The following NCOR1 variants were observed in gnomAD, a reference collection of about 807,000 sequenced individuals.
NCOR1 encodes protein phosphatase 1, regulatory subunit 109.
In NCOR1, 63 loss-of-function variants were observed where a neutral mutation model predicts 288.1. That is an observed-to-expected ratio of 0.22 (90% CI 0.18 to 0.27). The LOEUF is 0.27. NCOR1 is among the 10% of genes least tolerant of loss of function. The pLI is 1.00. For missense variants in NCOR1, 2,397 were observed against 3,019.2 expected (o/e 0.79, Z 4.83); for synonymous variants, 1,007 against 1,065.9 (o/e 0.94, Z 1.08).
chr17:16,192,552 AG>A (rs2088680215), intron 2 of NCOR1, among the ~76,000 whole-genome samples: 1 of 152,200 alleles, frequency 6.6e-6, no homozygotes, highest in Admixed American at 6.5e-5. Context: ...GCTACTCGGG[AG>A]GCTGAGACAG....
chr17:16,120,439 T>C (rs1482857803), intron 16 of NCOR1, among the ~76,000 whole-genome samples: 2 of 152,096 alleles, frequency 1.3e-5, no homozygotes, highest in African/African-American at 4.8e-5. Context: ...CCCTATCTCA[T>C]TCTTGCCATT....
intron 4 of NCOR1, among the ~76,000 whole-genome samples, chr17:16,170,557 C>A (rs178839): frequency 2.0e-5 from 3 of 151,926 alleles, no homozygotes; most frequent in African/African-American, 4.8e-5. Context: ...AACATAGGCC[C>A]GGCACAGTGG....
intron 2 of NCOR1, among the ~76,000 whole-genome samples, chr17:16,188,672 T>A (rs905734181): frequency 2.0e-5 from 3 of 151,554 alleles, no homozygotes; most frequent in Non-Finnish European, 2.9e-5. Flanking sequence ...TCCAAGGAAA[T>A]AGGTAAAACA....
Position 16,061,799 on chromosome 17 carries a change from G to A in NCOR1, c.5483C>T (p.Ala1828Val), listed in dbSNP as rs2152615066. Residue 1828 changes from alanine (A) to valine (V), a missense_variant, in exon 37 of 46, where the codon GCA becomes GTA. Ala to Val is a moderately conservative substitution (Grantham distance 64). Around this residue, in one of 11 missense-constraint regions of NCOR1, gnomAD observed 1,872 missense variants for 2,187.8 expected, o/e 0.86. Coordinates refer to ENST00000268712, the MANE Select transcript of NCOR1 (RefSeq NM_006311.4). ...CACATCCATCTGGGGTGCAGAAGCT[G>A]CAGCATCCACAAGAGCAGCCAGGGC... ...ADALAALVDA[A>V]ASAPQMDVSK... 1 of 1,614,242 alleles carries A rather than the reference G, an allele frequency of 6.2e-7. No homozygotes were observed. The highest frequency in any genetic ancestry group is 8.5e-7 in the Non-Finnish European group (1 of 1,180,040).
At chr17:16,055,547 G>A (rs953208998) in intron 40 of NCOR1, among the ~76,000 whole-genome samples, 1 of 152,152 alleles carries the variant, frequency 6.6e-6, no homozygotes, top group Non-Finnish European at 1.5e-5. Flanking sequence ...GGGAGGAGAA[G>A]GCTCAGGAAA....
chr17:16,094,001 G>C (rs558119785), intron 21 of NCOR1, among the ~76,000 whole-genome samples: 1 of 151,758 alleles, frequency 6.6e-6, no homozygotes, highest in Non-Finnish European at 1.5e-5. Flanking sequence ...TCAAACTCTC[G>C]AGCTCAAGGA....
rs894265472 is a variant in NCOR1 at position 16,160,548 on chromosome 17, T to G, written c.619-1675A>C. On this transcript the variant is annotated intron_variant, in intron 5 of 45. Coordinates refer to ENST00000268712, the MANE Select transcript of NCOR1 (RefSeq NM_006311.4). The stretch of plus-strand genomic sequence containing the variant: ...GGCTCACACCTGTAATCCCAGCACT[T>G]TGGGAGGCCAAGACGGTAGATCACT... Among the ~76,000 whole-genome samples, 5 of 152,164 alleles carry G rather than the reference T, an allele frequency of 3.3e-5. No homozygotes were observed. The East Asian group carries it at 9.6e-4, about 29-fold the overall frequency.
intron 3 of NCOR1, among the ~76,000 whole-genome samples, chr17:16,178,035 C>A (rs1402959450): frequency 6.6e-6 from 1 of 151,478 alleles, no homozygotes; most frequent in Non-Finnish European, 1.5e-5. Context: ...CATGGTGAAA[C>A]CCCACCTCTA....
chr17:16,202,930 C>T (rs2091022189), intron 1 of NCOR1, among the ~76,000 whole-genome samples: 1 of 152,110 alleles, frequency 6.6e-6, no homozygotes, highest in South Asian at 2.1e-4. Context: ...TATCAAACAC[C>T]TGTGAAGGTA....
intron 18 of NCOR1, among the ~76,000 whole-genome samples, chr17:16,115,496 C>T (rs2071400335): frequency 6.6e-6 from 1 of 152,196 alleles, no homozygotes; most frequent in Admixed American, 6.5e-5. Flanking sequence ...CCTCATAAAA[C>T]TGAATGCCTT....
At chr17:16,068,156 G>A (rs964740283) in intron 31 of NCOR1, 35 bp from the exon 32 acceptor site, 58 of 1,476,886 alleles carry the variant, frequency 3.9e-5, no homozygotes, top group Non-Finnish European at 5.4e-5. Context: ...AAGTTCTTAA[G>A]AAACTTGCAA....
chr17:16,095,545 T>G (rs1206184792), intron 21 of NCOR1, among the ~76,000 whole-genome samples: 2 of 105,904 alleles, frequency 1.9e-5, no homozygotes, highest in Admixed American at 1.0e-4. Flanking sequence ...GGTTGGGGGG[T>G]CAGCCCCCCG....
At chr17:16,073,352 A>G in intron 28 of NCOR1, 77 bp downstream of exon 28, 1 of 1,315,288 alleles carries the variant, frequency 7.6e-7, no homozygotes, top group South Asian at 1.9e-5. Flanking sequence ...GAAATTGCAT[A>G]CAACTTAATT....
intron 37 of NCOR1, among the ~76,000 whole-genome samples, chr17:16,059,135 A>C (rs1284640331): frequency 1.3e-5 from 2 of 151,334 alleles, no homozygotes; most frequent in East Asian, 3.9e-4. Flanking sequence ...GAACAGATTT[A>C]TGATATTTTC....
At chr17:16,195,420 G>A (rs1401807794) in intron 1 of NCOR1, among the ~76,000 whole-genome samples, 3 of 151,786 alleles carry the variant, frequency 2.0e-5, no homozygotes, top group Non-Finnish European at 2.9e-5. Flanking sequence ...GCAGTGAGCC[G>A]AGATCACGCC....
intron 3 of NCOR1, among the ~76,000 whole-genome samples, chr17:16,184,231 T>G (rs867548057): frequency 3.8e-4 from 58 of 152,128 alleles, no homozygotes; most frequent in Non-Finnish European, 1.5e-4. Flanking sequence ...TAAATGGGAC[T>G]ACATCAAACT....
chr17:16,036,482 T>A (rs1251024881), intron 44 of NCOR1, among the ~76,000 whole-genome samples: 2 of 152,324 alleles, frequency 1.3e-5, no homozygotes, highest in East Asian at 3.9e-4. Context: ...GCCTGTCTTT[T>A]GAAGTTTTGG....
intron 14 of NCOR1, among the ~76,000 whole-genome samples, chr17:16,129,773 C>T (rs952238174): frequency 8.5e-5 from 13 of 152,178 alleles, no homozygotes; most frequent in African/African-American, 2.4e-4. Context: ...AAAGATACGA[C>T]GGGGACATGT....
intron 14 of NCOR1, among the ~76,000 whole-genome samples, chr17:16,127,819 T>G (rs907721642): frequency 6.6e-6 from 1 of 151,414 alleles, no homozygotes; most frequent in Non-Finnish European, 1.5e-5. Flanking sequence ...ACTGGGAGTG[T>G]TGGAACATAT....
Sources: allele counts gnomAD v4.1 joint callset (sites outside exome capture counted in the v4.1 genomes callset), GRCh38; gene constraint gnomAD v4.1.1; regional missense constraint gnomAD v4.1.1; transcripts MANE v1.5; gene names NCBI Gene and HGNC (gene_info 2026-07-23, HGNC 2026-07-21).